NCF2: variants seen among roughly 807,000 people sequenced by gnomAD.
NCF2 encodes the protein neutrophil cytosolic factor 2.
Under a neutral mutation model 70.9 loss-of-function variants are expected in NCF2, and 45 were observed. The ratio of observed to expected loss-of-function variants is 0.63; its 90% CI spans 0.50 to 0.81. The LOEUF (loss-of-function observed/expected upper bound fraction) is 0.81, where lower values mean the gene tolerates loss of function less well. Among genes scored for constraint, NCF2 ranks in the 40% least tolerant of loss-of-function variants. NCF2 has a pLI of 0.00. For synonymous variants in NCF2, 203 were observed against 233.6 expected, an observed-to-expected ratio of 0.87 and a Z score of 1.19; for missense variants, 522 against 631.6, an observed-to-expected ratio of 0.83 and a Z score of 1.86.
chr1:183,569,510 CA>C (rs1672453396), intron 6 of NCF2, among the ~76,000 whole-genome samples: 2 of 152,182 alleles, frequency 1.3e-5, no homozygotes, highest in African/African-American at 4.8e-5. Context: ...GTCCTTTTCC[CA>C]GGACAGTTTC....
chr1:183,586,217 C>T (rs1480482428), intron 2 of NCF2, among the ~76,000 whole-genome samples: 1 of 152,128 alleles, frequency 6.6e-6, no homozygotes. Flanking sequence ...GCCTGTAGTC[C>T]CAGCTACTCG....
intron 2 of NCF2, among the ~76,000 whole-genome samples, chr1:183,584,701 G>A (rs956763671): frequency 6.6e-6 from 1 of 152,116 alleles, no homozygotes; most frequent in Non-Finnish European, 1.5e-5. Flanking sequence ...AGGATTTGTT[G>A]TTAGGCCTCC....
At chr1:183,573,440 G>A in intron 4 of NCF2, 148 bp from the exon 5 acceptor site, 6 of 799,986 alleles carry the variant, frequency 7.5e-6, no homozygotes, top group Non-Finnish European at 1.3e-5. Context: ...CCTCTAGGGT[G>A]TTAAGGTAGG....
At chr1:183,581,284 A>AC (rs1673054217) in intron 2 of NCF2, among the ~76,000 whole-genome samples, 1 of 124,220 alleles carries the variant, frequency 8.1e-6, no homozygotes, top group African/African-American at 3.0e-5. Flanking sequence ...CCTGACTCAA[A>AC]AAAAAAAAAA....
chr1:183,594,239 C>G (rs1273575039), upstream of NCF2, among the ~76,000 whole-genome samples: 2 of 131,924 alleles, frequency 1.5e-5, no homozygotes, highest in Non-Finnish European at 3.3e-5. Context: ...GACCCCATCT[C>G]TACAGAAAAA....
chr1:183,581,160 T>C (rs913048734), intron 2 of NCF2, among the ~76,000 whole-genome samples: 5 of 150,792 alleles, frequency 3.3e-5, no homozygotes, highest in African/African-American at 1.2e-4. Context: ...TACGTGCCTG[T>C]AGTCCCAGCT....
At chr1:183,583,057 CT>C (rs1003842513) in intron 2 of NCF2, among the ~76,000 whole-genome samples, 49 of 148,690 alleles carry the variant, frequency 3.3e-4, no homozygotes, top group East Asian at 9.8e-4. Flanking sequence ...GAGGGAATTC[CT>C]TTTTTTTTTA....
intron 10 of NCF2, among the ~76,000 whole-genome samples, chr1:183,564,836 C>A (rs1672232652): frequency 6.6e-6 from 1 of 152,100 alleles, no homozygotes; most frequent in African/African-American, 2.4e-5. Context: ...GTTTAGTGTC[C>A]TAGATACCAT....
chr1:183,557,578 C>A (rs962746670), intron 14 of NCF2, among the ~76,000 whole-genome samples: 6 of 152,246 alleles, frequency 3.9e-5, no homozygotes, highest in Admixed American at 6.5e-5. Context: ...CTCTGTCCTA[C>A]CCTGACCGCT....
intron 2 of NCF2, among the ~76,000 whole-genome samples, chr1:183,584,179 C>T (rs1349645033): frequency 6.6e-6 from 1 of 152,224 alleles, no homozygotes; most frequent in Non-Finnish European, 1.5e-5. Flanking sequence ...TCAAGGTTCA[C>T]ATACGGACTT....
rs112336681 is a variant in NCF2, at chr1:183,565,777, C to T, written c.927G>A (p.Glu309=). The T allele has an allele frequency of 1.6e-5, 26 of 1,613,754 alleles. No individual in the cohort carries two copies. The African/African-American group carries it at 1.9e-4, about 12-fold the overall frequency. The change falls in exon 10 of 15, where the codon GAG becomes GAA. Residue 309 remains glutamate (E), a splice_region_variant and synonymous_variant. Transcript: ENST00000367535. ...LRIHPQQQPQ[E]ESSPQSDIPA... ...GGATGTCGGACTGCGGAGAGCTTTCCTCCTGAAGGCAACAGGGAGCGACGG... is the reference window on the plus strand; with the variant it reads ...GGATGTCGGACTGCGGAGAGCTTTCTTCCTGAAGGCAACAGGGAGCGACGG...
intron 9 of NCF2, among the ~76,000 whole-genome samples, 166 bp from the exon 10 acceptor site, chr1:183,565,945 G>A (rs1672281867): frequency 6.6e-6 from 1 of 152,176 alleles, no homozygotes; most frequent in South Asian, 2.1e-4. Context: ...AGGAAATGTT[G>A]GCCAAAAGAG....
chr1:183,580,835 C>T (rs1045394569), intron 2 of NCF2, among the ~76,000 whole-genome samples: 1 of 151,878 alleles, frequency 6.6e-6, no homozygotes, highest in Non-Finnish European at 1.5e-5. Context: ...AAAAATTAGC[C>T]GGGCGTGGTG....
intron 2 of NCF2, among the ~76,000 whole-genome samples, chr1:183,584,162 T>C (rs552295617): frequency 6.6e-6 from 1 of 152,210 alleles, no homozygotes; most frequent in Non-Finnish European, 1.5e-5. Context: ...TGCCCAGGAA[T>C]GGATCCTCAA....
chr1:183,556,101 G>T lies in NCF2; in HGVS notation c.*17C>A, dbSNP rs1380493930. On this transcript the variant is annotated 3_prime_UTR_variant, in exon 15 of 15. Transcript: ENST00000367535. Reference sequence around the variant, plus strand: ...ATAGGGCTTCATTTTCTTCAGCTTTGTAGTTTGTGAAACATCCTAGACTTC... The same window carrying T: ...ATAGGGCTTCATTTTCTTCAGCTTTTTAGTTTGTGAAACATCCTAGACTTC... 8.1e-6 allele frequency: 13 copies of T among 1,595,246 alleles called. No homozygotes were observed. The highest frequency in any genetic ancestry group is 1.1e-5 in the Non-Finnish European group (13 of 1,162,884).
At chr1:183,556,665 GC>G (rs1671799522) in intron 14 of NCF2, among the ~76,000 whole-genome samples, 1 of 152,070 alleles carries the variant, frequency 6.6e-6, no homozygotes, top group Admixed American at 6.6e-5. Flanking sequence ...CCAAGTAACT[GC>G]AACTACAGGC....
In NCF2 at chr1:183,575,765, C is replaced by T. The variant is rs574021024; in HGVS notation, c.367-1144G>A. On this transcript the variant is annotated intron_variant, in intron 3 of 14. Coordinates refer to ENST00000367535, the MANE Select transcript of NCF2 (RefSeq NM_000433.4). The stretch of plus-strand genomic sequence containing the variant: ...CAGCCCTAGAGAGAAGTTCATGTAG[C>T]GAAGAACTGAGGCCTCCTGCCAACA... Among the ~76,000 whole-genome samples the T allele has an allele frequency of 2.2e-4, 33 of 152,264 alleles. 1 individual carries two copies. Among genetic ancestry groups the T allele is most frequent in the Admixed American group, 1.4e-3 (21 of 15,288 alleles).
Position 183,574,594 on chromosome 1 carries a change from C to T in NCF2, c.394G>A (p.Ala132Thr). 1 of 1,614,166 alleles carries T rather than the reference C, an allele frequency of 6.2e-7. No individual in the cohort carries two copies. Among genetic ancestry groups the T allele is most frequent in the South Asian group, 1.1e-5 (1 of 91,088 alleles). ...EVLYNIAFMY[A>T]KKEEWKKAEE... ...GCTTTTTTCCATTCCTCCTTCTTGG[C>T]ATACATGAAAGCAATGTTATATAAC... The change falls in exon 4 of 15, where the codon GCC becomes ACC. Residue 132 changes from alanine (A) to threonine (T), a missense_variant. Physicochemically the swap from Ala to Thr is moderately conservative, Grantham distance 58. Transcript: ENST00000367535.
At chr1:183,584,798 A>G (rs746117032) in intron 2 of NCF2, among the ~76,000 whole-genome samples, 1 of 152,190 alleles carries the variant, frequency 6.6e-6, no homozygotes, top group Non-Finnish European at 1.5e-5. Flanking sequence ...TAGAGGCAAG[A>G]CGTCGGTCAA....
Sources: allele counts gnomAD v4.1 joint callset (sites outside exome capture counted in the v4.1 genomes callset), GRCh38; gene constraint gnomAD v4.1.1; transcripts MANE v1.5; gene names NCBI Gene and HGNC (gene_info 2026-07-23, HGNC 2026-07-21).